EDA: variants seen among roughly 807,000 people sequenced by gnomAD.
EDA encodes ectodysplasin-A.
A neutral mutation model predicts 23.6 loss-of-function variants in EDA; 2 were observed. The observed-to-expected ratio is 0.08, with a 90% CI of 0.03 to 0.27. The LOEUF (loss-of-function observed/expected upper bound fraction) is 0.27, where lower values mean the gene tolerates loss of function less well. Among genes scored for constraint, EDA ranks in the 10% least tolerant of loss-of-function variants. EDA has a pLI of 1.00. For missense variants in EDA, 229 were observed against 324.2 expected, an observed-to-expected ratio of 0.71 and a Z score of 2.26; for synonymous variants, 131 against 132.0, an observed-to-expected ratio of 0.99 and a Z score of 0.05.
At chrX:70,026,851 C>G (rs1182013493) in intron 3 of EDA, among the ~76,000 whole-genome samples, 3 of 110,438 alleles carry the variant, frequency 2.7e-5, no homozygotes, top group Admixed American at 1.9e-4. Context: ...CTCTCTCTCC[C>G]TCCTCCTCTT....
At chrX:69,784,875 C>A (rs1364396950) in intron 1 of EDA, among the ~76,000 whole-genome samples, 2 of 110,631 alleles carry the variant, frequency 1.8e-5, no homozygotes, top group East Asian at 5.7e-4. Context: ...CTGTAAATTA[C>A]CTTGGGCAGC....
intron 1 of EDA, among the ~76,000 whole-genome samples, chrX:69,761,826 C>G (rs953780843): frequency 2.7e-5 from 3 of 111,604 alleles, no homozygotes; most frequent in Non-Finnish European, 5.6e-5. Flanking sequence ...TGGCAGTTCC[C>G]CTCCTCCTAA....
At chrX:69,646,576 T>C (rs1283890411) in intron 1 of EDA, among the ~76,000 whole-genome samples, 1 of 112,208 alleles carries the variant, frequency 8.9e-6, no homozygotes, top group Non-Finnish European at 1.9e-5. Context: ...TGTGTGTCTT[T>C]GCACATGAGA....
chrX:69,993,522 G>T (rs756657357), intron 2 of EDA, among the ~76,000 whole-genome samples: 1 of 112,121 alleles, frequency 8.9e-6, no homozygotes, highest in South Asian at 3.7e-4. Flanking sequence ...AACTTTGAAA[G>T]GTTAAGTTGC....
chrX:69,721,454 C>G (rs1295469600), intron 1 of EDA, among the ~76,000 whole-genome samples: 1 of 111,705 alleles, frequency 9.0e-6, no homozygotes, highest in African/African-American at 3.3e-5. Flanking sequence ...TCAGCTGGGT[C>G]TCTCCTATAG....
chrX:69,749,028 G>A (rs1038347179), intron 1 of EDA, among the ~76,000 whole-genome samples: 9 of 98,475 alleles, frequency 9.1e-5, no homozygotes, highest in African/African-American at 2.6e-4. Context: ...ATGCTGGTGC[G>A]CTGCACCCAC....
At chrX:69,726,005 A>T (rs1391233446) in intron 1 of EDA, among the ~76,000 whole-genome samples, 1 of 111,958 alleles carries the variant, frequency 8.9e-6, no homozygotes, top group Non-Finnish European at 1.9e-5. Flanking sequence ...TAAGAGACAG[A>T]TAAGATGAGC....
chrX:69,690,433 A>G lies in EDA; in HGVS notation c.396+73729A>G, dbSNP rs1385313647. Among the ~76,000 whole-genome samples the G allele has an allele frequency of 3.6e-5, 4 of 111,473 alleles. No individual in the cohort carries two copies. The Admixed American group carries it at 3.8e-4, about 11-fold the overall frequency. ...TTTTTTCCTTTATTCTATTCATATGATATATTAATTGATTTTCTGATATTA... is the reference window on the plus strand; with the variant it reads ...TTTTTTCCTTTATTCTATTCATATGGTATATTAATTGATTTTCTGATATTA... On this transcript the variant is annotated intron_variant, in intron 1 of 7. Transcript: ENST00000374552.
intron 2 of EDA, among the ~76,000 whole-genome samples, chrX:70,010,700 A>G: frequency 8.9e-6 from 1 of 112,095 alleles, no homozygotes; most frequent in Non-Finnish European, 1.9e-5. Flanking sequence ...GGTAATTTAT[A>G]AAGAAAAAAG....
intron 1 of EDA, among the ~76,000 whole-genome samples, chrX:69,857,292 C>T (rs1435903600): frequency 1.8e-5 from 2 of 111,532 alleles, no homozygotes; most frequent in Non-Finnish European, 3.8e-5. Flanking sequence ...GTTTGAAGTC[C>T]CGTATTGTGA....
chrX:69,751,711 G>T (rs2013878310), intron 1 of EDA, among the ~76,000 whole-genome samples: 1 of 111,547 alleles, frequency 9.0e-6, no homozygotes, highest in Non-Finnish European at 1.9e-5. Context: ...TTAAGCAGTG[G>T]TTTATAGTTC....
Position 69,885,178 on chromosome X carries a change from T to A in EDA, c.397-71849T>A, listed in dbSNP as rs185533125. 2.7e-5 allele frequency among the ~76,000 whole-genome samples: 3 copies of A among 112,270 alleles called. No individual in the cohort carries two copies. In the East Asian group the frequency reaches 8.4e-4, roughly 31 times the overall value. On this transcript the variant is annotated intron_variant, in intron 1 of 7. Transcript: ENST00000374552. ...ATTTTTAATTAGTTCAGTTGTCTCTTTTATTGTGGTAAAATATAAATAACA... is the reference window on the plus strand; with the variant it reads ...ATTTTTAATTAGTTCAGTTGTCTCTATTATTGTGGTAAAATATAAATAACA...
At chrX:69,903,314 A>T (rs2018123843) in intron 1 of EDA, among the ~76,000 whole-genome samples, 1 of 111,204 alleles carries the variant, frequency 9.0e-6, no homozygotes, top group Non-Finnish European at 1.9e-5. Flanking sequence ...TTAACCTTGT[A>T]TTTATTAATA....
At chrX:69,706,808 TA>T (rs1335167722) in intron 1 of EDA, among the ~76,000 whole-genome samples, 1 of 111,422 alleles carries the variant, frequency 9.0e-6, no homozygotes, top group African/African-American at 3.3e-5. Flanking sequence ...GAATAGATTA[TA>T]AATGTTTCTT....
At chrX:70,032,663 G>A (rs887956855) in intron 6 of EDA, among the ~76,000 whole-genome samples, 37 of 111,490 alleles carry the variant, frequency 3.3e-4, no homozygotes, top group African/African-American at 1.1e-3. Flanking sequence ...TGCCTGGGGT[G>A]GGGCTGAGAC....
intron 1 of EDA, among the ~76,000 whole-genome samples, chrX:69,819,305 G>A (rs1485986418): frequency 8.9e-6 from 1 of 111,891 alleles, no homozygotes; most frequent in Non-Finnish European, 1.9e-5. Flanking sequence ...TTGAAAACCA[G>A]CACAAGACAA....
chrX:69,814,677 A>C (rs916106613), intron 1 of EDA, among the ~76,000 whole-genome samples: 6 of 111,988 alleles, frequency 5.4e-5, no homozygotes, highest in Non-Finnish European at 1.1e-4. Context: ...TGACTAGGTA[A>C]ACAACTTGAC....
intron 1 of EDA, among the ~76,000 whole-genome samples, chrX:69,774,653 T>C (rs974893818): frequency 3.6e-5 from 4 of 112,176 alleles, no homozygotes; most frequent in African/African-American, 1.3e-4. Context: ...CCTGTCATAT[T>C]GTTTTAAATT....
At chrX:69,734,180 C>A (rs1250079481) in intron 1 of EDA, among the ~76,000 whole-genome samples, 1 of 111,359 alleles carries the variant, frequency 9.0e-6, no homozygotes, top group African/African-American at 3.3e-5. Context: ...ATTTGTGTCT[C>A]TCAAGAAATT....
Sources: allele counts gnomAD v4.1 joint callset (sites outside exome capture counted in the v4.1 genomes callset), GRCh38; gene constraint gnomAD v4.1.1; transcripts MANE v1.5; gene names NCBI Gene and HGNC (gene_info 2026-07-23, HGNC 2026-07-21).